Variants in USP44 observed in about 807,000 individuals in gnomAD.
USP44 encodes the protein ubiquitin carboxyl-terminal hydrolase 44.
USP44 carries 61 observed loss-of-function variants against 69.0 expected under a neutral mutation model. The observed-to-expected ratio is 0.88, with a 90% CI of 0.72 to 1.09. USP44 has a LOEUF of 1.09. Among genes scored for constraint, USP44 ranks in the 50% least tolerant of loss-of-function variants. The pLI is 0.00. For missense variants in USP44, 753 were observed against 849.9 expected (o/e 0.89, Z 1.42); for synonymous variants, 297 against 295.4 (o/e 1.01, Z -0.06).
chr12:95,518,242 T>C lies in USP44; in HGVS notation c.2051A>G (p.His684Arg), dbSNP rs2076537658. Reference protein sequence around the residue: ...FYTQRVTENGHSKLLPPELLL... With the variant: ...FYTQRVTENGRSKLLPPELLL... ...GAGCTCTGGAGGCAAAAGTTTAGAA[T>C]GTCCATTCTCAGTAACTCGTTGGGT... The change falls in exon 6 of 6, where the codon CAT becomes CGT. Residue 684 changes from histidine to arginine, a missense_variant. His to Arg is a conservative substitution (Grantham distance 29). Transcript: ENST00000258499. 1.2e-6 allele frequency: 2 copies of C among 1,614,092 alleles called. No homozygotes were observed. Among genetic ancestry groups the C allele is most frequent in the African/African-American group, 1.3e-5 (1 of 74,944 alleles).
intron 3 of USP44, among the ~76,000 whole-genome samples, chr12:95,525,815 G>A (rs540454198): frequency 6.6e-6 from 1 of 152,296 alleles, no homozygotes; most frequent in East Asian, 1.9e-4. Context: ...TGATGTCCAG[G>A]AGCTATCCTT....
At chr12:95,544,464 A>C (rs959366218) in intron 1 of USP44, among the ~76,000 whole-genome samples, 5 of 152,210 alleles carry the variant, frequency 3.3e-5, no homozygotes, top group Non-Finnish European at 7.3e-5. Flanking sequence ...TACAGCTGTA[A>C]GCCCTGGAGG....
chr12:95,541,421 T>A (rs912923609), intron 1 of USP44, among the ~76,000 whole-genome samples: 1 of 151,844 alleles, frequency 6.6e-6, no homozygotes, highest in Non-Finnish European at 1.5e-5. Flanking sequence ...TGAAACAAAA[T>A]ATGCAAAATT....
intron 1 of USP44, among the ~76,000 whole-genome samples, chr12:95,539,673 C>T (rs1296472454): frequency 2.6e-5 from 4 of 152,192 alleles, no homozygotes; most frequent in African/African-American, 9.6e-5. Context: ...CATTCAAGCT[C>T]TTCATACTTT....
rs897431708 is a variant in USP44 at position 95,517,718 on chromosome 12, C to T, written c.*436G>A. 1 of 157,524 alleles carries T rather than the reference C, an allele frequency of 6.3e-6. No individual in the cohort carries two copies. The highest frequency in any genetic ancestry group is 1.4e-5 in the Non-Finnish European group (1 of 71,128). The allele number at this position is 157,524 out of a possible 1,614,324, so 9.8% of individuals were successfully genotyped here. On this transcript the variant is annotated 3_prime_UTR_variant, in exon 6 of 6. Transcript: ENST00000258499. ...ATACCTTGACATGTCACTTCAATAA[C>T]TCCAAGGGGCAAGGTAACTTCAATA...
chr12:95,519,432 ATTTTT>A (rs60940181), intron 5 of USP44, among the ~76,000 whole-genome samples: 2 of 84,544 alleles, frequency 2.4e-5, no homozygotes, highest in African/African-American at 5.1e-5. Context: ...CTCAATCTGT[ATTTTT>A]TTTTTTTTTT....
At chr12:95,541,579 C>CA (rs929958092) in intron 1 of USP44, among the ~76,000 whole-genome samples, 2 of 151,164 alleles carry the variant, frequency 1.3e-5, no homozygotes, top group South Asian at 2.1e-4. Context: ...GACCCTGTCT[C>CA]AAAAAAACAA....
At chr12:95,535,423 T>C (rs950257831) in intron 1 of USP44, 6 of 152,162 alleles carry the variant, frequency 3.9e-5, no homozygotes, top group Admixed American at 6.5e-5. Context: ...GACTTGACAG[T>C]TGGCTTTAGG....
chr12:95,532,799 G>A, intron 2 of USP44, 30 bp downstream of exon 2: 2 of 1,528,292 alleles, frequency 1.3e-6, no homozygotes, highest in Non-Finnish European at 1.8e-6. Flanking sequence ...AACTCCCAAT[G>A]ATGAAAATAA....
At chr12:95,534,374 C>T (rs772450945) in intron 1 of USP44, 48 bp from the exon 2 acceptor site, 9 of 1,000,556 alleles carry the variant, frequency 9.0e-6, no homozygotes, top group Non-Finnish European at 1.1e-5. Context: ...TAATATTTTT[C>T]ATATTTTTTC....
In USP44 at chr12:95,516,824, G is replaced by A. The variant is rs2076484563; in HGVS notation, c.*1330C>T. On this transcript the variant is annotated 3_prime_UTR_variant, in exon 6 of 6. Transcript: ENST00000258499. The stretch of plus-strand genomic sequence containing the variant: ...GTTTGTACTTAACAGATGATCACTA[G>A]TGGTGAACAGCATTCTACAGGATAC... 6.6e-6 allele frequency: 1 copy of A among 151,852 alleles called. No individual in the cohort carries two copies. The highest frequency in any genetic ancestry group is 2.1e-4 in the South Asian group (1 of 4,808). 9.4% of individuals were successfully genotyped at this position (151,852 alleles called of 1,614,324 possible).
intron 3 of USP44, among the ~76,000 whole-genome samples, chr12:95,527,838 T>C (rs1592690912): frequency 1.5e-5 from 2 of 129,798 alleles, no homozygotes; most frequent in East Asian, 2.3e-4. Flanking sequence ...GGAAGATGCT[T>C]TTTTTTTTTT....
chr12:95,547,527 C>G (rs2077611785), intron 1 of USP44, among the ~76,000 whole-genome samples: 1 of 152,196 alleles, frequency 6.6e-6, no homozygotes, highest in African/African-American at 2.4e-5. Context: ...GAAATATTCT[C>G]TAAGCATGTG....
Position 95,521,067 on chromosome 12 carries a change from C to G in USP44, c.1869G>C (p.Ala623=). ...RPECFIYDLS[A]VVMHHGKGFG... is the part of the protein sequence containing the mutation. Reference sequence around the variant, plus strand: ...ATCCTTTCCCATGGTGCATCACCACCGCGGACAAGTCATAGATAAAGCATT... The same window carrying G: ...ATCCTTTCCCATGGTGCATCACCACGGCGGACAAGTCATAGATAAAGCATT... Residue 623 remains alanine, a synonymous_variant, in exon 5 of 6, where the codon GCG becomes GCC. Transcript: ENST00000258499. 1.2e-6 allele frequency: 2 copies of G among 1,614,200 alleles called. No homozygotes were observed. Among genetic ancestry groups the G allele is most frequent in the Non-Finnish European group, 1.7e-6 (2 of 1,180,034 alleles).
At chr12:95,530,229 C>T (rs557591403) in intron 2 of USP44, among the ~76,000 whole-genome samples, 23 of 152,108 alleles carry the variant, frequency 1.5e-4, no homozygotes, top group Non-Finnish European at 2.6e-4. Context: ...ACTCTCCTGG[C>T]GTTTATAGTC....
chr12:95,534,412 T>G (rs1388110425), intron 1 of USP44, 86 bp from the exon 2 acceptor site: 2 of 698,556 alleles, frequency 2.9e-6, no homozygotes, highest in East Asian at 5.6e-5. Context: ...TTGTGTCCTC[T>G]GCTCCCAATT....
chr12:95,533,387 C>T lies in USP44; in HGVS notation c.870G>A (p.Val290=), dbSNP rs17852818. Residue 290 remains valine (V), a synonymous_variant, in exon 2 of 6, where the codon GTG becomes GTA. Coordinates refer to ENST00000258499, the MANE Select transcript of USP44 (RefSeq NM_032147.5). ...NTCYMNSVLQ[V]LSHLLIFRQC... ...GTCGAAAAATAAGTAAATGACTCAA[C>T]ACCTGAAGAACAGAATTCATATAGC... 1 of 1,613,490 alleles carries T rather than the reference C, an allele frequency of 6.2e-7. No homozygotes were observed. The highest frequency in any genetic ancestry group is 8.5e-7 in the Non-Finnish European group (1 of 1,179,590).
chr12:95,520,372 G>A (rs1162359610), intron 5 of USP44, among the ~76,000 whole-genome samples: 3 of 142,064 alleles, frequency 2.1e-5, no homozygotes, highest in East Asian at 2.5e-4. Context: ...TGTGCCTGTA[G>A]TCCCAACTAC....
chr12:95,524,407 G>A (rs1314361127), intron 4 of USP44: 1 of 201,094 alleles, frequency 5.0e-6, no homozygotes, highest in African/African-American at 2.4e-5. Flanking sequence ...CCATGTGGGT[G>A]GATCGCTTGA....
Sources: allele counts gnomAD v4.1 joint callset (sites outside exome capture counted in the v4.1 genomes callset), GRCh38; gene constraint gnomAD v4.1.1; transcripts MANE v1.5; gene names NCBI Gene and HGNC (gene_info 2026-07-23, HGNC 2026-07-21).